AFF1: variants seen among roughly 807,000 people sequenced by gnomAD.
AFF1 encodes ALF transcription elongation factor 1, also known as AF4/FMR2 family member 1.
A neutral mutation model predicts 121.7 loss-of-function variants in AFF1; 48 were observed. That is an observed-to-expected ratio of 0.39 (90% CI 0.31 to 0.50). The LOEUF is 0.50. AFF1 is among the 20% of genes least tolerant of loss of function. AFF1 has a pLI of 0.76. For synonymous variants in AFF1, 613 were observed against 563.0 expected (o/e 1.09, Z -1.26); for missense variants, 1,523 against 1,511.7 (o/e 1.01, Z -0.12).
At chr4:86,993,102 C>T (rs1371715649) in intron 2 of AFF1, among the ~76,000 whole-genome samples, 3 of 152,152 alleles carry the variant, frequency 2.0e-5, no homozygotes, top group Non-Finnish European at 2.9e-5. Flanking sequence ...GCCAAGAAGC[C>T]TCAAATAAAA....
Position 87,047,233 on chromosome 4 carries a change from G to A in AFF1, c.698G>A (p.Gly233Glu). 6.2e-7 allele frequency: 1 copy of A among 1,614,174 alleles called. No homozygotes were observed. The highest frequency in any genetic ancestry group is 8.5e-7 in the Non-Finnish European group (1 of 1,180,038). The change falls in exon 4 of 21, where the codon GGA becomes GAA. Residue 233 changes from glycine (G) to glutamate (E), a missense_variant. Gly to Glu is a moderately conservative substitution (Grantham distance 98). Transcript: ENST00000395146. ...SNQQTLPRTQ[G>E]SSKVHGSSNN... ...CAGCAAACTCTTCCCCGGACGCAAGGAAGCAGCAAGGTTCATGGCAGCAGC... is the reference window on the plus strand; with the variant it reads ...CAGCAAACTCTTCCCCGGACGCAAGAAAGCAGCAAGGTTCATGGCAGCAGC...
intron 12 of AFF1, among the ~76,000 whole-genome samples, chr4:87,118,841 A>C (rs1271483440): frequency 6.6e-6 from 1 of 152,232 alleles, no homozygotes; most frequent in African/African-American, 2.4e-5. Flanking sequence ...CAGTGAAAGC[A>C]GAGATTTATT....
chr4:87,008,590 A>C (rs890653230), intron 2 of AFF1, among the ~76,000 whole-genome samples: 1 of 148,506 alleles, frequency 6.7e-6, no homozygotes, highest in Non-Finnish European at 1.5e-5. Flanking sequence ...TTGTGTCTCT[A>C]TTTTTGTTAA....
chr4:87,097,022 A>G (rs866878643), intron 8 of AFF1, among the ~76,000 whole-genome samples: 4 of 152,240 alleles, frequency 2.6e-5, no homozygotes, highest in African/African-American at 7.2e-5. Context: ...GGTAAGGAGT[A>G]GAATCTGCAG....
At chr4:87,080,731 G>A (rs1428528717) in intron 4 of AFF1, among the ~76,000 whole-genome samples, 1 of 152,238 alleles carries the variant, frequency 6.6e-6, no homozygotes, top group Non-Finnish European at 1.5e-5. Flanking sequence ...CCTCCTTCCA[G>A]TGGCATGCTT....
chr4:87,135,486 C>A, intron 20 of AFF1, 94 bp from the exon 21 acceptor site: 1 of 1,313,032 alleles, frequency 7.6e-7, no homozygotes, highest in Non-Finnish European at 1.0e-6. Flanking sequence ...TTGTGGGGAC[C>A]TACCTTCTGG....
intron 2 of AFF1, among the ~76,000 whole-genome samples, chr4:87,038,227 G>A (rs751121217): frequency 6.6e-6 from 1 of 152,132 alleles, no homozygotes; most frequent in Non-Finnish European, 1.5e-5. Flanking sequence ...GTTAGTTATT[G>A]AGAGTGAAAA....
intron 2 of AFF1, among the ~76,000 whole-genome samples, chr4:87,008,077 G>A (rs1240318989): frequency 3.9e-5 from 6 of 152,212 alleles, no homozygotes; most frequent in Non-Finnish European, 7.3e-5. Flanking sequence ...TGTAATGAGC[G>A]TTGAAGAAGA....
intron 4 of AFF1, 192 bp downstream of exon 4, chr4:87,047,786 T>C (rs1730869393): frequency 1.3e-6 from 1 of 787,672 alleles, no homozygotes; most frequent in East Asian, 2.5e-5. Context: ...ATTATAGATA[T>C]TGAAATGCAG....
intron 2 of AFF1, among the ~76,000 whole-genome samples, chr4:87,042,466 C>G (rs898743674): frequency 5.9e-5 from 9 of 152,186 alleles, no homozygotes; most frequent in African/African-American, 1.7e-4. Context: ...GTGAGTTCCA[C>G]CCAAGAGGGA....
rs919725113 is a variant in AFF1 at position 86,935,043 on chromosome 4, C to T, written c.-234C>T. 1 of 151,868 alleles carries T rather than the reference C, an allele frequency of 6.6e-6. No homozygotes were observed. The highest frequency in any genetic ancestry group is 1.5e-5 in the Non-Finnish European group (1 of 67,962). 9.4% of individuals were successfully genotyped at this position (151,868 alleles called of 1,614,324 possible). The stretch of plus-strand genomic sequence containing the variant: ...TAGCGAGCGACGGGCGCGCGCGGCC[C>T]CTGCGCACTCGGCCGCCGCCTGCGC... On this transcript the variant is annotated 5_prime_UTR_variant, in exon 1 of 21. Coordinates refer to ENST00000395146, the MANE Select transcript of AFF1 (RefSeq NM_001166693.3).
chr4:87,108,516 G>A (rs960405740), intron 11 of AFF1, among the ~76,000 whole-genome samples: 8 of 152,072 alleles, frequency 5.3e-5, no homozygotes, highest in Admixed American at 5.2e-4. Flanking sequence ...AAGGAGAGTT[G>A]GGAGAGAGGT....
chr4:87,096,985 G>A (rs889652700), intron 8 of AFF1, among the ~76,000 whole-genome samples: 1 of 152,154 alleles, frequency 6.6e-6, no homozygotes, highest in Non-Finnish European at 1.5e-5. Flanking sequence ...TAAGGAAGGA[G>A]GAGGTTTGTT....
intron 12 of AFF1, among the ~76,000 whole-genome samples, chr4:87,119,268 G>A (rs529087342): frequency 6.6e-6 from 1 of 152,244 alleles, no homozygotes; most frequent in East Asian, 1.9e-4. Context: ...CCAGGCCAGT[G>A]CAATTGGGAG....
rs781165957 is a variant in AFF1 at position 86,958,093 on chromosome 4, T to TCCC, written c.38+9522_38+9523insCCC. 1.2e-4 allele frequency among the ~76,000 whole-genome samples: 7 copies of TCCC among 58,810 alleles called. No individual in the cohort carries two copies. The South Asian group carries it at 4.5e-3, about 38-fold the overall frequency. The allele number at this position is 58,810 out of a possible 152,430, so 38.6% of individuals were successfully genotyped here. ...TCTGAACTTTTTCTTTTTTTTTCCT[T>TCCC]TTTTTTTTTTTTTTTTTGAAACGGA... On this transcript the variant is annotated intron_variant, in intron 2 of 20. Coordinates refer to ENST00000395146, the MANE Select transcript of AFF1 (RefSeq NM_001166693.3).
At chr4:86,991,831 T>A (rs992527971) in intron 2 of AFF1, among the ~76,000 whole-genome samples, 1 of 144,026 alleles carries the variant, frequency 6.9e-6, no homozygotes, top group Non-Finnish European at 1.5e-5. Flanking sequence ...TTACTTCAAA[T>A]TGCTTTTTTT....
chr4:87,117,852 C>CA (rs1412520859), intron 12 of AFF1, among the ~76,000 whole-genome samples: 1 of 151,980 alleles, frequency 6.6e-6, no homozygotes, highest in East Asian at 1.9e-4. Flanking sequence ...AGGTTGTCCC[C>CA]CCTTCCTCAT....
rs151284940 is a variant in AFF1, at chr4:87,066,588, C to CAAAACA, written c.1060-17513_1060-17508dup. Among the ~76,000 whole-genome samples, 6 of 151,756 alleles carry CAAAACA rather than the reference C, an allele frequency of 4.0e-5. No individual in the cohort carries two copies. The East Asian group carries it at 5.8e-4, about 15-fold the overall frequency. On this transcript the variant is annotated intron_variant, in intron 4 of 20. Transcript: ENST00000395146. The stretch of plus-strand genomic sequence containing the variant: ...TGGGCAACACAGTGAGACCCTGTCT[C>CAAAACA]AAAACAAAAACAAAAACAAAAACAG...
chr4:87,124,268 A>T (rs537203460), intron 12 of AFF1, among the ~76,000 whole-genome samples: 1 of 152,242 alleles, frequency 6.6e-6, no homozygotes, highest in East Asian at 1.9e-4. Context: ...CAAGTTAGAG[A>T]TACTTAAATT....
Sources: allele counts gnomAD v4.1 joint callset (sites outside exome capture counted in the v4.1 genomes callset), GRCh38; gene constraint gnomAD v4.1.1; transcripts MANE v1.5; gene names NCBI Gene and HGNC (gene_info 2026-07-23, HGNC 2026-07-21).